The following ITPRID1 variants were observed in gnomAD, a reference collection of about 807,000 sequenced individuals.
The protein encoded by ITPRID1 is ITPR interacting domain containing 1.
ITPRID1 carries 96 observed loss-of-function variants against 95.4 expected under a neutral mutation model. That is an observed-to-expected ratio of 1.01 (90% CI 0.85 to 1.19). The LOEUF is 1.19. Among genes scored for constraint, ITPRID1 ranks in the 50% most tolerant of loss-of-function variants. The probability of loss-of-function intolerance (pLI) is 0.00; values close to 1 mark genes in which losing one functional copy is unlikely to be tolerated. For missense variants in ITPRID1, 1,339 were observed against 1,252.9 expected (o/e 1.07, Z -1.04); for synonymous variants, 510 against 453.6 (o/e 1.12, Z -1.58).
chr7:31,548,435 A>G (rs1237362948), intron 1 of ITPRID1, among the ~76,000 whole-genome samples: 7 of 152,194 alleles, frequency 4.6e-5, no homozygotes, highest in African/African-American at 1.7e-4. Context: ...CTTGAAGACT[A>G]TAGTACAGAT....
chr7:31,594,517 A>C (rs186237250), intron 10 of ITPRID1, among the ~76,000 whole-genome samples: 1 of 152,224 alleles, frequency 6.6e-6, no homozygotes. Flanking sequence ...AAAACACTAA[A>C]TAAGAAATAA....
intron 13 of ITPRID1, among the ~76,000 whole-genome samples, 156 bp from the exon 14 acceptor site, chr7:31,651,780 AAAG>A (rs200713785): frequency 0.032 from 4,856 of 150,870 alleles, 280 homozygotes; most frequent in African/African-American, 0.11. Context: ...TTTTTTTTTT[AAAG>A]AAGACAACCT....
chr7:31,588,648 A>G (rs1785729338), intron 10 of ITPRID1, among the ~76,000 whole-genome samples: 1 of 150,048 alleles, frequency 6.7e-6, no homozygotes, highest in African/African-American at 2.4e-5. Flanking sequence ...AAAAATTAGA[A>G]GTCTTATGAG....
In ITPRID1 at chr7:31,578,080, G is replaced by A. The variant is rs1479040865; in HGVS notation, c.816G>A (p.Glu272=). Reference sequence around the variant, plus strand: ...ACATCAGGCGGGATTGTAACCCAGAGGTATCAGAGTCCTTCAAGGTGAAGG... The same window carrying A: ...ACATCAGGCGGGATTGTAACCCAGAAGTATCAGAGTCCTTCAAGGTGAAGG... The part of the protein sequence containing the change: ...KQNIRRDCNP[E]VSESFKVKDE... Residue 272 remains glutamate, a synonymous_variant, in exon 9 of 15, where the codon GAG becomes GAA. Transcript: ENST00000615280. 7 of 1,613,756 alleles carry A rather than the reference G, an allele frequency of 4.3e-6. No homozygotes were observed. The highest frequency in any genetic ancestry group is 5.9e-6 in the Non-Finnish European group (7 of 1,179,784).
At chr7:31,556,148 C>G (rs553939779) in intron 5 of ITPRID1, among the ~76,000 whole-genome samples, 3 of 152,216 alleles carry the variant, frequency 2.0e-5, no homozygotes, top group African/African-American at 7.2e-5. Context: ...AGACAAATCA[C>G]AGCTCTTCCT....
At position 31,578,343 on chromosome 7, in the gene ITPRID1, G is replaced by C; in HGVS notation, c.1079G>C (p.Arg360Thr). 6.2e-7 allele frequency: 1 copy of C among 1,613,866 alleles called. No homozygotes were observed. The highest frequency in any genetic ancestry group is 1.3e-5 in the African/African-American group (1 of 75,034). Residue 360 changes from arginine (R) to threonine (T), a missense_variant, in exon 9 of 15, where the codon AGA becomes ACA. Coordinates refer to ENST00000615280, the MANE Select transcript of ITPRID1 (RefSeq NM_001257967.3). ...SCVSEGSVKG[R>T]TQKENLFQTN... is the part of the protein sequence containing the mutation. ...GTGTCTGAGGGGTCAGTCAAGGGCA[G>C]AACTCAGAAGGAGAACTTATTTCAG...
At chr7:31,562,217 G>T (rs145006893) in intron 5 of ITPRID1, among the ~76,000 whole-genome samples, 227 of 152,196 alleles carry the variant, frequency 1.5e-3, no homozygotes, top group Middle Eastern at 6.8e-3. Flanking sequence ...TATAATGCAA[G>T]GATAAGACAC....
chr7:31,644,238 T>C (rs2128211819), intron 12 of ITPRID1, among the ~76,000 whole-genome samples: 1 of 152,352 alleles, frequency 6.6e-6, no homozygotes, highest in African/African-American at 2.4e-5. Flanking sequence ...CATTCATATG[T>C]CTAAGGTTAT....
In ITPRID1 at chr7:31,642,222, G is replaced by T. The variant is rs1177844256; in HGVS notation, c.1275G>T (p.Gly425=). 6.4e-7 allele frequency: 1 copy of T among 1,559,478 alleles called. No individual in the cohort carries two copies. Among genetic ancestry groups the T allele is most frequent in the Non-Finnish European group, 8.7e-7 (1 of 1,152,298 alleles). ...ATAGCTGCCAGTCTGACAGCAGCGGGTTCCTGGAGGAGCCGCTGGAACCGC... is the reference window on the plus strand; with the variant it reads ...ATAGCTGCCAGTCTGACAGCAGCGGTTTCCTGGAGGAGCCGCTGGAACCGC... ...RANSCQSDSS[G]FLEEPLEPLP... is the part of the protein sequence containing the mutation. Residue 425 remains glycine, a synonymous_variant, in exon 11 of 15, where the codon GGG becomes GGT. Coordinates refer to ENST00000615280, the MANE Select transcript of ITPRID1 (RefSeq NM_001257967.3).
chr7:31,563,438 T>A (rs56116000), intron 5 of ITPRID1, among the ~76,000 whole-genome samples: 34,339 of 152,050 alleles, frequency 0.23, 3,993 homozygotes, highest in East Asian at 0.33. Context: ...TGGAGTGTCA[T>A]CTCAGGTTCC....
At chr7:31,527,915 T>TG (rs1783473946) in intron 1 of ITPRID1, among the ~76,000 whole-genome samples, 1 of 152,198 alleles carries the variant, frequency 6.6e-6, no homozygotes, top group African/African-American at 2.4e-5. Context: ...AAGTGTTCTA[T>TG]TTGGAAGAGT....
chr7:31,523,523 A>G (rs1252407136), intron 1 of ITPRID1, among the ~76,000 whole-genome samples: 1 of 152,150 alleles, frequency 6.6e-6, no homozygotes, highest in African/African-American at 2.4e-5. Context: ...CCCAAATCTC[A>G]TGTTGAAATG....
chr7:31,636,577 G>C (rs1333234030), intron 10 of ITPRID1, among the ~76,000 whole-genome samples: 1 of 151,968 alleles, frequency 6.6e-6, no homozygotes, highest in Non-Finnish European at 1.5e-5. Flanking sequence ...AATATCTTTG[G>C]TTCCCCTAAT....
chr7:31,595,345 T>TACACACACACACACACACACACACAC lies in ITPRID1; in HGVS notation c.1228+12157_1228+12182dup, dbSNP rs58632355. On this transcript the variant is annotated intron_variant, in intron 10 of 14. Transcript: ENST00000615280. ...CAGGTGTGAGCCACCATGCCCGGCC[T>TACACACACACACACACACACACACAC]ACACACACACACACACACACACACA... 7.1e-3 allele frequency among the ~76,000 whole-genome samples: 1,046 copies of TACACACACACACACACACACACACAC among 147,108 alleles called. 8 individuals are homozygous for TACACACACACACACACACACACACAC. The highest frequency in any genetic ancestry group is 0.019 in the African/African-American group (759 of 39,598).
At chr7:31,617,641 C>T (rs889247109) in intron 10 of ITPRID1, among the ~76,000 whole-genome samples, 2 of 38,006 alleles carry the variant, frequency 5.3e-5, no homozygotes, top group African/African-American at 9.5e-5. Context: ...TTTAATGCTC[C>T]ATCTTTTAAA....
At chr7:31,640,151 T>TA (rs1418444673) in intron 10 of ITPRID1, among the ~76,000 whole-genome samples, 1 of 152,204 alleles carries the variant, frequency 6.6e-6, no homozygotes, top group Non-Finnish European at 1.5e-5. Flanking sequence ...ATTCTAAGGC[T>TA]AATTATTTCT....
chr7:31,617,006 ATTC>A (rs1381450797), intron 10 of ITPRID1, among the ~76,000 whole-genome samples: 4 of 152,128 alleles, frequency 2.6e-5, no homozygotes, highest in African/African-American at 4.8e-5. Context: ...TTCCAAGTGC[ATTC>A]TTCTTTTCTT....
chr7:31,573,749 A>G (rs373627826), intron 7 of ITPRID1, among the ~76,000 whole-genome samples: 21 of 151,704 alleles, frequency 1.4e-4, no homozygotes, highest in East Asian at 7.7e-4. Context: ...ATTGGCATAC[A>G]TAATATAACT....
At chr7:31,656,923 A>G (rs955993034), downstream of ITPRID1, among the ~76,000 whole-genome samples, 37 of 151,636 alleles carry the variant, frequency 2.4e-4, no homozygotes, top group Non-Finnish European at 7.4e-5. Context: ...TCTTCAGTGC[A>G]TGATGAACAA....
Sources: gnomAD v4.1 joint callset for allele counts (sites outside exome capture counted in the v4.1 genomes callset) on GRCh38, gnomAD v4.1.1 for gene constraint, MANE v1.5 for transcripts, NCBI Gene and HGNC (gene_info 2026-07-23, HGNC 2026-07-21) for gene names.